GSG1L: variants seen among roughly 807,000 people sequenced by gnomAD.
GSG1L encodes GSG1 like.
Under a neutral mutation model 42.1 loss-of-function variants are expected in GSG1L, and 24 were observed. That is an observed-to-expected ratio of 0.57 (90% CI 0.41 to 0.80). The LOEUF is 0.80. Ranked by LOEUF, GSG1L falls within the 30% of genes least tolerant of loss-of-function variation. GSG1L has a pLI of 0.00. For synonymous variants in GSG1L, 215 were observed against 203.5 expected (o/e 1.06, Z -0.48); for missense variants, 445 against 472.2 (o/e 0.94, Z 0.53).
intron 1 of GSG1L, among the ~76,000 whole-genome samples, chr16:27,999,845 A>G (rs1406036084): frequency 2.0e-5 from 3 of 152,212 alleles, no homozygotes; most frequent in Non-Finnish European, 4.4e-5. Context: ...GAGAGAAAGT[A>G]GAGGGAGGAC....
intron 2 of GSG1L, among the ~76,000 whole-genome samples, chr16:27,931,524 C>T (rs189030740): frequency 7.2e-5 from 11 of 152,330 alleles, no homozygotes; most frequent in African/African-American, 1.2e-4. Flanking sequence ...AATGAGATGT[C>T]GTTTTATGCT....
intron 2 of GSG1L, among the ~76,000 whole-genome samples, chr16:27,922,477 G>A (rs12597568): frequency 0.22 from 33,206 of 152,040 alleles, 4,166 homozygotes; most frequent in Middle Eastern, 0.31. Flanking sequence ...CCCCCGACCC[G>A]ATCGATAGTA....
intron 5 of GSG1L, among the ~76,000 whole-genome samples, chr16:27,813,142 G>A (rs1272493099): frequency 6.6e-6 from 1 of 152,078 alleles, no homozygotes; most frequent in African/African-American, 2.4e-5. Flanking sequence ...TTGTTACAGA[G>A]GTAAATTGCA....
At chr16:27,953,453 T>C (rs1027739865) in intron 2 of GSG1L, among the ~76,000 whole-genome samples, 1 of 152,146 alleles carries the variant, frequency 6.6e-6, no homozygotes, top group Non-Finnish European at 1.5e-5. Context: ...CATTGAGGAA[T>C]GGATTTTAAG....
intron 2 of GSG1L, chr16:27,888,136 G>T: frequency 1.0e-6 from 1 of 985,500 alleles, no homozygotes; most frequent in African/African-American, 1.7e-5. Context: ...TCATCATGGC[G>T]CTGCTCACTG....
At chr16:27,810,050 C>G (rs538776591) in intron 5 of GSG1L, among the ~76,000 whole-genome samples, 13 of 152,234 alleles carry the variant, frequency 8.5e-5, no homozygotes, top group Admixed American at 2.6e-4. Context: ...TTCATTCGCT[C>G]ATTCACCAGG....
intron 2 of GSG1L, among the ~76,000 whole-genome samples, chr16:27,941,397 G>A (rs1414896787): frequency 2.0e-5 from 3 of 151,044 alleles, no homozygotes; most frequent in Admixed American, 6.6e-5. Flanking sequence ...TGGGCTGGGC[G>A]CAGTGGTTCA....
At chr16:27,832,544 A>G (rs2083283866) in intron 4 of GSG1L, among the ~76,000 whole-genome samples, 1 of 152,246 alleles carries the variant, frequency 6.6e-6, no homozygotes, top group Non-Finnish European at 1.5e-5. Flanking sequence ...TATGTGCATC[A>G]GTAGTTTGTT....
intron 2 of GSG1L, among the ~76,000 whole-genome samples, chr16:27,910,265 G>A (rs2084372574): frequency 6.6e-6 from 1 of 151,948 alleles, no homozygotes. Flanking sequence ...CCCAGCTGAT[G>A]TGCATCTTTT....
chr16:27,869,715 T>TTC (rs779226223), intron 3 of GSG1L, among the ~76,000 whole-genome samples: 1 of 108,648 alleles, frequency 9.2e-6, no homozygotes, highest in Non-Finnish European at 1.9e-5. Flanking sequence ...TTCTCTCTCC[T>TTC]TCTCTCTCTG....
intron 5 of GSG1L, among the ~76,000 whole-genome samples, chr16:27,810,787 A>G (rs2083022360): frequency 1.3e-5 from 2 of 151,966 alleles, no homozygotes; most frequent in African/African-American, 4.8e-5. Context: ...TCCTGGGTTC[A>G]AGCAATTCTC....
intron 5 of GSG1L, among the ~76,000 whole-genome samples, chr16:27,813,943 A>AC (rs1341169543): frequency 6.6e-6 from 1 of 152,198 alleles, no homozygotes; most frequent in Non-Finnish European, 1.5e-5. Context: ...CACTGGGCAT[A>AC]ATACCGGTGG....
At chr16:27,894,683 G>C (rs569195003) in intron 2 of GSG1L, among the ~76,000 whole-genome samples, 1 of 152,174 alleles carries the variant, frequency 6.6e-6, no homozygotes, top group Non-Finnish European at 1.5e-5. Context: ...GGATGTACCG[G>C]CGCTGGGAGG....
At chr16:27,952,114 A>T (rs545263126) in intron 2 of GSG1L, among the ~76,000 whole-genome samples, 7 of 152,360 alleles carry the variant, frequency 4.6e-5, no homozygotes, top group African/African-American at 1.7e-4. Context: ...CAGCTTCAGG[A>T]GTCAGATCCA....
intron 1 of GSG1L, among the ~76,000 whole-genome samples, chr16:28,036,934 G>A (rs894548647): frequency 6.6e-6 from 1 of 152,236 alleles, no homozygotes; most frequent in Admixed American, 6.5e-5. Flanking sequence ...TTTCCCACAT[G>A]TGTGACAGTC....
chr16:27,871,360 G>A (rs756919900), intron 3 of GSG1L, among the ~76,000 whole-genome samples: 6 of 152,278 alleles, frequency 3.9e-5, no homozygotes, highest in Non-Finnish European at 5.9e-5. Context: ...ATTAATTTGG[G>A]GCCGGGCGCA....
Position 28,027,257 on chromosome 16 carries a change from CCAAT to C in GSG1L, c.349+35815_349+35818del, listed in dbSNP as rs563749610. 9.9e-5 allele frequency among the ~76,000 whole-genome samples: 15 copies of C among 152,280 alleles called. No homozygotes were observed. The South Asian group carries it at 3.1e-3, about 32-fold the overall frequency. On this transcript the variant is annotated intron_variant, in intron 1 of 6. Transcript: ENST00000447459. ...GAAGCAGGCACATGATCTAAGCCAG[CCAAT>C]CAGAGTACTCCATTCACACGCTGCA... is the stretch of plus-strand genomic sequence containing the variant.
At chr16:27,968,883 C>T (rs1173157126) in intron 1 of GSG1L, among the ~76,000 whole-genome samples, 3 of 152,130 alleles carry the variant, frequency 2.0e-5, no homozygotes, top group Admixed American at 6.5e-5. Flanking sequence ...CCAAGGCAGG[C>T]GGATCACTTG....
chr16:27,822,491 G>A (rs1464664660), intron 5 of GSG1L, among the ~76,000 whole-genome samples: 2 of 152,032 alleles, frequency 1.3e-5, no homozygotes, highest in African/African-American at 4.8e-5. Flanking sequence ...ATCATAGCTC[G>A]CTGAAGCCTT....
Sources: gnomAD v4.1 joint callset for allele counts (sites outside exome capture counted in the v4.1 genomes callset) on GRCh38, gnomAD v4.1.1 for gene constraint, MANE v1.5 for transcripts, NCBI Gene and HGNC (gene_info 2026-07-23, HGNC 2026-07-21) for gene names.